The following TNNI3K variants were observed in gnomAD, a reference collection of about 807,000 sequenced individuals.
TNNI3K encodes TNNI3 interacting kinase.
Under a neutral mutation model 114.5 loss-of-function variants are expected in TNNI3K, and 140 were observed. The ratio of observed to expected loss-of-function variants is 1.22; its 90% CI spans 1.07 to 1.41. The LOEUF (loss-of-function observed/expected upper bound fraction) is 1.41, where lower values mean the gene tolerates loss of function less well. Ranked by LOEUF, TNNI3K falls within the 40% of genes most tolerant of loss-of-function variation. TNNI3K has a pLI of 0.00. For missense variants in TNNI3K, 1,125 were observed against 1,007.6 expected, an observed-to-expected ratio of 1.12 and a Z score of -1.58; for synonymous variants, 347 against 347.5, an observed-to-expected ratio of 1.00 and a Z score of 0.02.
chr1:74,460,464 T>A (rs1375818445), intron 20 of TNNI3K, among the ~76,000 whole-genome samples: 1 of 152,268 alleles, frequency 6.6e-6, no homozygotes, highest in African/African-American at 2.4e-5. Flanking sequence ...AGTTGCTCAA[T>A]AAATAGTTAT....
At chr1:74,489,807 G>A (rs185277749) in intron 22 of TNNI3K, among the ~76,000 whole-genome samples, 1 of 151,984 alleles carries the variant, frequency 6.6e-6, no homozygotes, top group Non-Finnish European at 1.5e-5. Context: ...CTACACACCT[G>A]GTCAAGAGAT....
intron 4 of TNNI3K, among the ~76,000 whole-genome samples, chr1:74,253,016 G>T (rs1655039324): frequency 6.6e-6 from 1 of 152,086 alleles, no homozygotes; most frequent in South Asian, 2.1e-4. Context: ...GAGCTGATTG[G>T]TCCATTTTGA....
chr1:74,372,854 C>T (rs1160047892), intron 17 of TNNI3K: 1 of 151,816 alleles, frequency 6.6e-6, no homozygotes, highest in Non-Finnish European at 1.5e-5. Context: ...AAAAACAGAA[C>T]ATTTACTATA....
intron 21 of TNNI3K, among the ~76,000 whole-genome samples, chr1:74,484,169 G>C (rs575284189): frequency 1.3e-4 from 19 of 147,962 alleles, no homozygotes; most frequent in African/African-American, 4.7e-4. Flanking sequence ...TGAATTTTAT[G>C]TTCAAAAAAG....
chr1:74,464,525 G>A, intron 21 of TNNI3K: 1 of 1,424,658 alleles, frequency 7.0e-7, no homozygotes, highest in Admixed American at 2.8e-5. Context: ...TTCAACAAGA[G>A]AATAAAGTGA....
At chr1:74,393,283 A>AT (rs1396940633) in intron 17 of TNNI3K, among the ~76,000 whole-genome samples, 2 of 152,088 alleles carry the variant, frequency 1.3e-5, no homozygotes. Flanking sequence ...GGACAAAAAA[A>AT]AATGAGCATA....
chr1:74,366,113 C>G (rs951045444), intron 11 of TNNI3K, among the ~76,000 whole-genome samples: 1 of 151,988 alleles, frequency 6.6e-6, no homozygotes, highest in Non-Finnish European at 1.5e-5. Flanking sequence ...TCAGCATATA[C>G]TCTCTACATA....
At chr1:74,390,366 G>C (rs903378802) in intron 17 of TNNI3K, among the ~76,000 whole-genome samples, 3 of 152,112 alleles carry the variant, frequency 2.0e-5, no homozygotes, top group Non-Finnish European at 4.4e-5. Context: ...ACTCTGCTTT[G>C]ATTGTGTAAC....
chr1:74,282,658 CT>C (rs1462125283), intron 5 of TNNI3K, among the ~76,000 whole-genome samples: 1 of 152,142 alleles, frequency 6.6e-6, no homozygotes, highest in Non-Finnish European at 1.5e-5. Flanking sequence ...AGCAATTATC[CT>C]TGTCAGATTT....
intron 5 of TNNI3K, among the ~76,000 whole-genome samples, chr1:74,316,173 G>C (rs572524882): frequency 6.6e-6 from 1 of 152,250 alleles, no homozygotes; most frequent in East Asian, 1.9e-4. Context: ...TTATGGTCTA[G>C]TGAAAAAGAC....
chr1:74,357,376 C>T (rs992822059), intron 11 of TNNI3K, among the ~76,000 whole-genome samples: 1 of 152,180 alleles, frequency 6.6e-6, no homozygotes, highest in Non-Finnish European at 1.5e-5. Flanking sequence ...AATCTCTTAA[C>T]AGAAAACCAT....
intron 5 of TNNI3K, among the ~76,000 whole-genome samples, chr1:74,275,770 G>A (rs75640778): frequency 1.6e-3 from 248 of 152,112 alleles, no homozygotes; most frequent in African/African-American, 5.5e-3. Context: ...AGTCTAAGGC[G>A]TTTAATTTAA....
At chr1:74,434,174 A>G (rs938160956) in intron 17 of TNNI3K, among the ~76,000 whole-genome samples, 1 of 152,076 alleles carries the variant, frequency 6.6e-6, no homozygotes, top group Non-Finnish European at 1.5e-5. Context: ...TACATCCTGC[A>G]TCAAGTCCAG....
intron 17 of TNNI3K, among the ~76,000 whole-genome samples, chr1:74,397,834 T>A (rs915049836): frequency 6.6e-6 from 1 of 152,176 alleles, no homozygotes; most frequent in Non-Finnish European, 1.5e-5. Context: ...AAAAGGTAGA[T>A]TACCCAATAA....
intron 20 of TNNI3K, among the ~76,000 whole-genome samples, chr1:74,459,822 T>C (rs1667373368): frequency 6.6e-6 from 1 of 152,198 alleles, no homozygotes; most frequent in African/African-American, 2.4e-5. Flanking sequence ...AGGGAGAAGT[T>C]GAATCCACAA....
At chr1:74,244,107 G>A (rs528196057) in intron 2 of TNNI3K, among the ~76,000 whole-genome samples, 1 of 152,152 alleles carries the variant, frequency 6.6e-6, no homozygotes, top group African/African-American at 2.4e-5. Context: ...GAAGTTAATG[G>A]GAAGTGAGAA....
intron 21 of TNNI3K, among the ~76,000 whole-genome samples, chr1:74,476,713 T>C (rs1423192919): frequency 6.6e-6 from 1 of 152,176 alleles, no homozygotes; most frequent in African/African-American, 2.4e-5. Context: ...ATCTGTGCCC[T>C]AAACCCACAT....
chr1:74,238,482 A>C (rs945345185), intron 2 of TNNI3K, among the ~76,000 whole-genome samples: 11 of 152,082 alleles, frequency 7.2e-5, no homozygotes, highest in Non-Finnish European at 1.5e-4. Context: ...GAAGGATAGA[A>C]GACTTATCAT....
rs45502303 is a variant in TNNI3K, at chr1:74,524,830, G to A, written c.2352-15404G>A. ...GGGGGACAGGCCACTGGTAGGACTT[G>A]GAGATTTACTATGATTGAGATGCAT... On this transcript the variant is annotated intron_variant, in intron 23 of 24. Transcript: ENST00000326637. Among the ~76,000 whole-genome samples the A allele has an allele frequency of 2.7e-3, 412 of 152,244 alleles. 1 individual carries two copies. The highest frequency in any genetic ancestry group is 9.3e-3 in the African/African-American group (387 of 41,564).
Sources: allele counts gnomAD v4.1 joint callset (sites outside exome capture counted in the v4.1 genomes callset), GRCh38; gene constraint gnomAD v4.1.1; transcripts MANE v1.5; gene names NCBI Gene and HGNC (gene_info 2026-07-23, HGNC 2026-07-21).